Variants in ZCCHC7 observed in about 807,000 individuals in gnomAD.
ZCCHC7 encodes the protein zinc finger CCHC-type containing 7, also known as zinc finger CCHC domain-containing protein 7.
ZCCHC7 carries 35 observed loss-of-function variants against 52.0 expected under a neutral mutation model. That is an observed-to-expected ratio of 0.67 (90% CI 0.51 to 0.89). The LOEUF (loss-of-function observed/expected upper bound fraction) is 0.89. ZCCHC7 is among the 40% of genes least tolerant of loss of function. The pLI, the probability that ZCCHC7 is intolerant of heterozygous loss-of-function variation, is 0.00. For synonymous variants in ZCCHC7, 217 were observed against 221.5 expected (o/e 0.98, Z 0.18); for missense variants, 574 against 649.1 (o/e 0.88, Z 1.26).
chr9:37,327,097 TC>T (rs921746286), intron 5 of ZCCHC7: 5 of 152,146 alleles, frequency 3.3e-5, no homozygotes, highest in African/African-American at 9.7e-5. Flanking sequence ...TTTTTGTTGT[TC>T]CTGCTATTGT....
At chr9:37,155,222 G>C (rs1159778026) in intron 2 of ZCCHC7, among the ~76,000 whole-genome samples, 1 of 152,116 alleles carries the variant, frequency 6.6e-6, no homozygotes, top group Non-Finnish European at 1.5e-5. Context: ...TTAGCCGGGC[G>C]TGGTGGTGGG....
At chr9:37,186,735 C>A in intron 2 of ZCCHC7, 1 of 582,072 alleles carries the variant, frequency 1.7e-6, no homozygotes, top group South Asian at 2.1e-5. Flanking sequence ...TCTTTATGAA[C>A]TAACAAGATG....
At chr9:37,310,004 G>C (rs1323040141) in intron 5 of ZCCHC7, among the ~76,000 whole-genome samples, 1 of 151,916 alleles carries the variant, frequency 6.6e-6, no homozygotes, top group East Asian at 1.9e-4. Context: ...TGTTTGGCCA[G>C]ATTACCAGAT....
At chr9:37,263,498 A>G (rs1756827729) in intron 2 of ZCCHC7, among the ~76,000 whole-genome samples, 1 of 152,144 alleles carries the variant, frequency 6.6e-6, no homozygotes, top group South Asian at 2.1e-4. Flanking sequence ...TAAAGTTCAT[A>G]TATATTGTAG....
chr9:37,144,469 T>C (rs891406467), intron 2 of ZCCHC7, among the ~76,000 whole-genome samples: 3 of 152,004 alleles, frequency 2.0e-5, no homozygotes, highest in Admixed American at 2.0e-4. Context: ...ATTTAATGTA[T>C]TTTAATTTAG....
intron 5 of ZCCHC7, among the ~76,000 whole-genome samples, chr9:37,316,568 G>T (rs373593005): frequency 6.6e-6 from 1 of 151,608 alleles, no homozygotes; most frequent in South Asian, 2.1e-4. Context: ...CGAGTGATCT[G>T]CCCGTCTCAG....
rs1824444375 is a variant in ZCCHC7 at position 37,215,292 on chromosome 9, T to C, written c.611-86896T>C. On this transcript the variant is annotated intron_variant, in intron 2 of 8. Transcript: ENST00000336755. Reference sequence around the variant, plus strand: ...AAATGACATTATGGTAAATTCCACTTAATGACACATTTTTAATTTTCAGAA... The same window carrying C: ...AAATGACATTATGGTAAATTCCACTCAATGACACATTTTTAATTTTCAGAA... Among the ~76,000 whole-genome samples the C allele has an allele frequency of 4.6e-5, 7 of 152,180 alleles. No homozygotes were observed. In the South Asian group the frequency reaches 1.2e-3, roughly 27 times the overall value.
chr9:37,254,993 G>A (rs931843449), intron 2 of ZCCHC7, among the ~76,000 whole-genome samples: 1 of 151,774 alleles, frequency 6.6e-6, no homozygotes, highest in African/African-American at 2.4e-5. Context: ...TATCAGAAGA[G>A]CCTCTTGGGA....
intron 1 of ZCCHC7, 101 bp from the exon 2 acceptor site, chr9:37,126,210 GC>G: frequency 8.9e-7 from 1 of 1,119,144 alleles, no homozygotes; most frequent in Non-Finnish European, 1.3e-6. Flanking sequence ...AATAGTGATG[GC>G]CTTCATATTA....
At chr9:37,244,070 G>A (rs1468181011) in intron 2 of ZCCHC7, among the ~76,000 whole-genome samples, 1 of 151,426 alleles carries the variant, frequency 6.6e-6, no homozygotes, top group Non-Finnish European at 1.5e-5. Flanking sequence ...TATGTTTATT[G>A]TCTCCTAGTG....
intron 6 of ZCCHC7, among the ~76,000 whole-genome samples, chr9:37,331,157 TG>T (rs562369024): frequency 3.9e-4 from 59 of 151,804 alleles, no homozygotes; most frequent in African/African-American, 9.6e-4. Context: ...AAGCCTTAAT[TG>T]TTTTTTTATA....
chr9:37,246,421 G>A (rs1408396068), intron 2 of ZCCHC7, among the ~76,000 whole-genome samples: 5 of 152,052 alleles, frequency 3.3e-5, no homozygotes, highest in African/African-American at 4.8e-5. Context: ...TAGCATCAGC[G>A]TATGATAATG....
rs1477340655 is a variant in ZCCHC7, at chr9:37,150,974, T to G, written c.610+24032T>G. 3.1e-4 allele frequency among the ~76,000 whole-genome samples: 42 copies of G among 136,102 alleles called. 1 individual carries two copies. The highest frequency in any genetic ancestry group is 1.4e-3 in the African/African-American group (39 of 28,040). 89.3% of individuals were successfully genotyped at this position (136,102 alleles called of 152,430 possible). A position where few individuals can be genotyped will look rare whatever the true frequency, so the allele number is the denominator to read the frequency against. On this transcript the variant is annotated intron_variant, in intron 2 of 8. Coordinates refer to ENST00000336755, the MANE Select transcript of ZCCHC7 (RefSeq NM_032226.3). ...TTCTGTGGGGTTTTTTTGTTTTTTT[T>G]TTTTTTTTGAGACGGAGTCTTGCTC...
chr9:37,248,786 C>T (rs1481002958), intron 2 of ZCCHC7, among the ~76,000 whole-genome samples: 1 of 152,124 alleles, frequency 6.6e-6, no homozygotes, highest in African/African-American at 2.4e-5. Flanking sequence ...CTGCTTTTGC[C>T]ATTGCTCATC....
At chr9:37,260,928 A>G (rs1186489317) in intron 2 of ZCCHC7, among the ~76,000 whole-genome samples, 1 of 152,086 alleles carries the variant, frequency 6.6e-6, no homozygotes, top group Non-Finnish European at 1.5e-5. Flanking sequence ...GTTTTATTCT[A>G]TATCTTTCTT....
chr9:37,348,516 A>G (rs1821164909), intron 6 of ZCCHC7, among the ~76,000 whole-genome samples: 1 of 152,060 alleles, frequency 6.6e-6, no homozygotes, highest in African/African-American at 2.4e-5. Context: ...AGTAGCTGGG[A>G]CTACAGGCAC....
chr9:37,194,953 T>C (rs866077060), intron 2 of ZCCHC7, among the ~76,000 whole-genome samples: 1 of 150,482 alleles, frequency 6.6e-6, no homozygotes, highest in South Asian at 2.1e-4. Flanking sequence ...TTTTCTTTTT[T>C]TTTTTTTTTT....
At chr9:37,330,197 A>C in intron 6 of ZCCHC7, among the ~76,000 whole-genome samples, 1 of 151,724 alleles carries the variant, frequency 6.6e-6, no homozygotes, top group East Asian at 1.9e-4. Context: ...GTTGATTGTT[A>C]CAAGTGGACT....
At chr9:37,337,001 T>A (rs2118389927) in intron 6 of ZCCHC7, among the ~76,000 whole-genome samples, 1 of 152,264 alleles carries the variant, frequency 6.6e-6, no homozygotes, top group East Asian at 1.9e-4. Flanking sequence ...TCCGGACAAT[T>A]GGCGGAGGGG....
Sources: allele counts gnomAD v4.1 joint callset (sites outside exome capture counted in the v4.1 genomes callset), GRCh38; gene constraint gnomAD v4.1.1; transcripts MANE v1.5; gene names NCBI Gene and HGNC (gene_info 2026-07-23, HGNC 2026-07-21).